ERH: variants seen among roughly 807,000 people sequenced by gnomAD.
The protein encoded by ERH is ERH mRNA splicing and mitosis factor, also known as enhancer of rudimentary homolog.
A neutral mutation model predicts 16.8 loss-of-function variants in ERH; 1 was observed. The ratio of observed to expected loss-of-function variants is 0.06; its 90% CI spans 0.02 to 0.28. The LOEUF is 0.28. Among genes scored for constraint, ERH ranks in the 10% least tolerant of loss-of-function variants. ERH has a pLI of 1.00. For missense variants in ERH, 42 were observed against 127.5 expected, an observed-to-expected ratio of 0.33 and a Z score of 3.23; for synonymous variants, 43 against 43.6, an observed-to-expected ratio of 0.99 and a Z score of 0.05.
chr14:69,380,828 T>C (rs2045858890), intron 3 of ERH, among the ~76,000 whole-genome samples, 188 bp from the exon 4 acceptor site: 1 of 152,240 alleles, frequency 6.6e-6, no homozygotes, highest in Non-Finnish European at 1.5e-5. Flanking sequence ...TATCACCTAG[T>C]ACAATCTTAT....
chr14:69,388,028 G>C (rs1375702729), intron 2 of ERH, among the ~76,000 whole-genome samples: 1 of 152,128 alleles, frequency 6.6e-6, no homozygotes, highest in Non-Finnish European at 1.5e-5. Context: ...CCGGGTGACA[G>C]AGCAAGACTC....
Position 69,380,341 on chromosome 14 carries a change from A to G in ERH, c.*197T>C. ...AAAATGTTTAAGTAAAAAAAAAAAA[A>G]GAAAGAGAAAGAAAAAGAGGAGGTA... On this transcript the variant is annotated 3_prime_UTR_variant, in exon 4 of 4. Coordinates refer to ENST00000557016, the MANE Select transcript of ERH (RefSeq NM_004450.3). The G allele has an allele frequency of 2.4e-6, 1 of 418,046 alleles. No individual in the cohort carries two copies. The highest frequency in any genetic ancestry group is 3.5e-5 in the East Asian group (1 of 28,524). The allele number at this position is 418,046 out of a possible 1,614,324, so 25.9% of individuals were successfully genotyped here.
chr14:69,390,692 C>T (rs1046499930), intron 2 of ERH, among the ~76,000 whole-genome samples: 1 of 152,280 alleles, frequency 6.6e-6, no homozygotes, highest in African/African-American at 2.4e-5. Context: ...AAATAAAAAA[C>T]TTTTGTGCTC....
At chr14:69,385,073 G>T (rs1374639363) in intron 3 of ERH, among the ~76,000 whole-genome samples, 2 of 152,112 alleles carry the variant, frequency 1.3e-5, no homozygotes, top group African/African-American at 2.4e-5. Context: ...ATCTACCTCT[G>T]TTTCCAGCAC....
intron 3 of ERH, among the ~76,000 whole-genome samples, chr14:69,385,535 C>T (rs1307294665): frequency 6.6e-6 from 1 of 151,926 alleles, no homozygotes; most frequent in Non-Finnish European, 1.5e-5. Flanking sequence ...GGTACATCAT[C>T]CCATCAGCCT....
chr14:69,398,164 G>C, intron 1 of ERH, 67 bp downstream of exon 1: 1 of 1,600,758 alleles, frequency 6.2e-7, no homozygotes, highest in Non-Finnish European at 8.5e-7. Flanking sequence ...AGGGGAAAAC[G>C]TATGGGGCTG....
At chr14:69,396,389 G>C (rs1197049555) in intron 1 of ERH, among the ~76,000 whole-genome samples, 1 of 152,214 alleles carries the variant, frequency 6.6e-6, no homozygotes, top group Non-Finnish European at 1.5e-5. Flanking sequence ...AGCCTCCCAA[G>C]TAGCTGGGAT....
chr14:69,387,695 CAAAA>C (rs57516317), intron 2 of ERH, among the ~76,000 whole-genome samples: 1 of 113,396 alleles, frequency 8.8e-6, no homozygotes, highest in Non-Finnish European at 1.8e-5. Context: ...AGCCACAGAG[CAAAA>C]AAAAAAAAAA....
At chr14:69,381,049 G>A (rs1447096501) in intron 3 of ERH, among the ~76,000 whole-genome samples, 1 of 152,180 alleles carries the variant, frequency 6.6e-6, no homozygotes, top group East Asian at 1.9e-4. Flanking sequence ...TTGGGAGGCT[G>A]AGGCGGGTGA....
intron 2 of ERH, among the ~76,000 whole-genome samples, chr14:69,392,152 T>TA (rs1436376872): frequency 4.2e-5 from 6 of 143,748 alleles, no homozygotes; most frequent in Non-Finnish European, 7.6e-5. Context: ...TAACTGCTCT[T>TA]AAAAAAAAGG....
chr14:69,397,957 A>C, intron 1 of ERH: 1 of 589,438 alleles, frequency 1.7e-6, no homozygotes, highest in Non-Finnish European at 3.0e-6. Context: ...CCCTCTACCG[A>C]GTAACAATCG....
chr14:69,390,546 A>G (rs1420243398), intron 2 of ERH, among the ~76,000 whole-genome samples: 2 of 152,242 alleles, frequency 1.3e-5, no homozygotes, highest in Admixed American at 1.3e-4. Context: ...AACAGACCAG[A>G]GACTTAAAAG....
intron 3 of ERH, among the ~76,000 whole-genome samples, chr14:69,382,280 T>C (rs1344455843): frequency 6.6e-6 from 1 of 152,234 alleles, no homozygotes; most frequent in East Asian, 1.9e-4. Context: ...ATTTAAAAAT[T>C]CTAAAATTTA....
chr14:69,392,169 GA>G (rs35123151), intron 2 of ERH, among the ~76,000 whole-genome samples: 1 of 139,978 alleles, frequency 7.1e-6, no homozygotes, highest in African/African-American at 2.7e-5. Flanking sequence ...AAGGGGGGAG[GA>G]AAAAAATGCT....
chr14:69,393,389 G>A (rs1882258360), intron 2 of ERH, among the ~76,000 whole-genome samples: 1 of 152,128 alleles, frequency 6.6e-6, no homozygotes, highest in African/African-American at 2.4e-5. Flanking sequence ...CAAAGTCATG[G>A]AATCAACTAC....
At chr14:69,391,414 G>A (rs74835823) in intron 2 of ERH, among the ~76,000 whole-genome samples, 28,431 of 151,906 alleles carry the variant, frequency 0.19, 2,796 homozygotes, top group South Asian at 0.26. Context: ...GGGAGGCTGA[G>A]GTGGACGGAT....
intron 2 of ERH, among the ~76,000 whole-genome samples, chr14:69,392,347 A>G (rs939109188): frequency 6.6e-6 from 1 of 152,202 alleles, no homozygotes; most frequent in African/African-American, 2.4e-5. Flanking sequence ...TTAGAAAAAG[A>G]GCTACCAAGT....
chr14:69,381,328 CT>C (rs372197877), intron 3 of ERH, among the ~76,000 whole-genome samples: 1 of 152,272 alleles, frequency 6.6e-6, no homozygotes, highest in African/African-American at 2.4e-5. Context: ...TCTGAATTAA[CT>C]AAAAAACCTT....
intron 3 of ERH, 48 bp from the exon 4 acceptor site, chr14:69,380,688 C>CA: frequency 9.1e-7 from 1 of 1,104,164 alleles, no homozygotes; most frequent in Non-Finnish European, 1.4e-6. Context: ...CAATCACTGC[C>CA]AGGTGTTTAA....
Sources: gnomAD v4.1 joint callset for allele counts (sites outside exome capture counted in the v4.1 genomes callset) on GRCh38, gnomAD v4.1.1 for gene constraint, MANE v1.5 for transcripts, NCBI Gene and HGNC (gene_info 2026-07-23, HGNC 2026-07-21) for gene names.